The following DPP10 variants were observed in gnomAD, a reference collection of about 807,000 sequenced individuals.
DPP10 encodes dipeptidyl peptidase like 10.
In DPP10, 33 loss-of-function variants were observed where a neutral mutation model predicts 120.9. The ratio of observed to expected loss-of-function variants is 0.27; its 90% CI spans 0.21 to 0.37. The LOEUF (loss-of-function observed/expected upper bound fraction) is 0.37, where lower values mean the gene tolerates loss of function less well. DPP10 is among the 10% of genes least tolerant of loss of function. DPP10 has a pLI of 1.00. For missense variants in DPP10, 816 were observed against 942.8 expected (o/e 0.87, Z 1.76); for synonymous variants, 337 against 326.1 (o/e 1.03, Z -0.36).
At chr2:114,660,802 T>G (rs999990855) in intron 1 of DPP10, among the ~76,000 whole-genome samples, 1 of 152,218 alleles carries the variant, frequency 6.6e-6, no homozygotes, top group Non-Finnish European at 1.5e-5. Context: ...TCAAATAATT[T>G]TAATTAGTTC....
chr2:114,529,531 T>A (rs1685781385), intron 1 of DPP10, among the ~76,000 whole-genome samples: 1 of 152,152 alleles, frequency 6.6e-6, no homozygotes, highest in Non-Finnish European at 1.5e-5. Flanking sequence ...GTTCCAGCCA[T>A]GTTGCTCTTT....
At chr2:115,529,430 A>G (rs950980546) in intron 5 of DPP10, among the ~76,000 whole-genome samples, 3 of 151,004 alleles carry the variant, frequency 2.0e-5, no homozygotes, top group Non-Finnish European at 4.4e-5. Context: ...CAGCCTTGCA[A>G]GTGTGAGCCA....
chr2:115,164,033 A>T (rs757289606), intron 1 of DPP10, among the ~76,000 whole-genome samples: 3 of 152,196 alleles, frequency 2.0e-5, no homozygotes, highest in Non-Finnish European at 2.9e-5. Flanking sequence ...GGGAGTGGCT[A>T]CTTTGCAGAA....
At chr2:115,716,946 C>G (rs572043526) in intron 7 of DPP10, among the ~76,000 whole-genome samples, 1 of 152,330 alleles carries the variant, frequency 6.6e-6, no homozygotes, top group Admixed American at 6.5e-5. Flanking sequence ...TAGTGTCCCT[C>G]ATTCTTCTTT....
intron 1 of DPP10, among the ~76,000 whole-genome samples, chr2:114,580,014 A>G (rs1236396955): frequency 6.6e-6 from 1 of 152,214 alleles, no homozygotes; most frequent in Admixed American, 6.5e-5. Context: ...AAAACTGACC[A>G]AATTCCTTCC....
At chr2:114,688,716 C>G (rs1482305212) in intron 1 of DPP10, among the ~76,000 whole-genome samples, 1 of 151,914 alleles carries the variant, frequency 6.6e-6, no homozygotes, top group Non-Finnish European at 1.5e-5. Flanking sequence ...CATGTGAGGA[C>G]AAACCATGAT....
chr2:115,366,529 T>C (rs1191205254), intron 3 of DPP10, among the ~76,000 whole-genome samples: 1 of 152,128 alleles, frequency 6.6e-6, no homozygotes, highest in Non-Finnish European at 1.5e-5. Flanking sequence ...CTTAATTGTT[T>C]TAGAAAAATA....
chr2:115,593,335 T>C (rs1225292547), intron 5 of DPP10, among the ~76,000 whole-genome samples: 1 of 152,218 alleles, frequency 6.6e-6, no homozygotes, highest in Admixed American at 6.5e-5. Flanking sequence ...TTCTAGGGCA[T>C]CCTCAGATTG....
chr2:115,412,701 G>C (rs1410001452), intron 3 of DPP10, among the ~76,000 whole-genome samples: 1 of 152,084 alleles, frequency 6.6e-6, no homozygotes, highest in Non-Finnish European at 1.5e-5. Context: ...ATGTATTTAG[G>C]ATTATTCATC....
chr2:115,192,983 T>G (rs2054992581), intron 1 of DPP10, among the ~76,000 whole-genome samples: 1 of 151,894 alleles, frequency 6.6e-6, no homozygotes, highest in Non-Finnish European at 1.5e-5. Flanking sequence ...AAAAAAAAAT[T>G]TTTAACCTTT....
rs143144668 is a variant in DPP10, at chr2:114,542,471, A to G, written c.60+99633A>G. Reference sequence around the variant, plus strand: ...CTTGGAGCTGATGACTTGGATTTACATAAGTCTCATCTTACTAACACATCA... The same window carrying G: ...CTTGGAGCTGATGACTTGGATTTACGTAAGTCTCATCTTACTAACACATCA... On this transcript the variant is annotated intron_variant, in intron 1 of 25. Transcript: ENST00000410059. Among the ~76,000 whole-genome samples, 87 of 152,322 alleles carry G rather than the reference A, an allele frequency of 5.7e-4. 1 individual carries two copies. The East Asian group carries it at 0.014, about 24-fold the overall frequency.
intron 1 of DPP10, among the ~76,000 whole-genome samples, chr2:114,897,752 C>T (rs577643146): frequency 2.0e-5 from 3 of 152,308 alleles, no homozygotes; most frequent in African/African-American, 7.2e-5. Flanking sequence ...ACAAAATGCT[C>T]ACCATCACTG....
At chr2:114,564,686 G>GA (rs1174491874) in intron 1 of DPP10, among the ~76,000 whole-genome samples, 1 of 151,504 alleles carries the variant, frequency 6.6e-6, no homozygotes, top group Non-Finnish European at 1.5e-5. Context: ...AGGAGAAAAG[G>GA]AAAAAAAATT....
intron 1 of DPP10, among the ~76,000 whole-genome samples, chr2:115,020,720 C>A (rs938678501): frequency 6.6e-6 from 1 of 151,918 alleles, no homozygotes; most frequent in Non-Finnish European, 1.5e-5. Flanking sequence ...ATGCTATTCA[C>A]CAGCACATGG....
chr2:114,925,575 A>G (rs922223832), intron 1 of DPP10, among the ~76,000 whole-genome samples: 2 of 152,198 alleles, frequency 1.3e-5, no homozygotes, highest in Non-Finnish European at 2.9e-5. Context: ...GAAGTTTCAC[A>G]ATATTTTGGA....
chr2:115,161,623 G>T, intron 1 of DPP10: 1 of 217,876 alleles, frequency 4.6e-6, no homozygotes, highest in Non-Finnish European at 9.0e-6. Flanking sequence ...AGGCGTCGCC[G>T]CAGCTCGGTC....
intron 1 of DPP10, among the ~76,000 whole-genome samples, chr2:114,939,506 C>T (rs548512004): frequency 1.4e-4 from 22 of 152,088 alleles, no homozygotes; most frequent in South Asian, 2.1e-4. Flanking sequence ...ATATGACTAT[C>T]GGGATGCACA....
At chr2:115,107,473 A>G (rs1258778815) in intron 1 of DPP10, among the ~76,000 whole-genome samples, 1 of 114,110 alleles carries the variant, frequency 8.8e-6, no homozygotes, top group Non-Finnish European at 1.7e-5. Context: ...AAGATTTATC[A>G]TATGTCAGAT....
At chr2:115,781,105 A>T in intron 16 of DPP10, 110 bp downstream of exon 16, 1 of 944,172 alleles carries the variant, frequency 1.1e-6, no homozygotes, top group Non-Finnish European at 1.5e-6. Context: ...CTTAATTTAT[A>T]AATTTTTGTT....
Sources: allele counts gnomAD v4.1 joint callset (sites outside exome capture counted in the v4.1 genomes callset), GRCh38; gene constraint gnomAD v4.1.1; transcripts MANE v1.5; gene names NCBI Gene and HGNC (gene_info 2026-07-23, HGNC 2026-07-21).